The following MTMR8 variants were observed in gnomAD, a reference collection of about 807,000 sequenced individuals.
The protein encoded by MTMR8 is phosphatidylinositol-3,5-bisphosphate 3-phosphatase MTMR8.
Under a neutral mutation model 39.3 loss-of-function variants are expected in MTMR8, and 65 were observed. The observed-to-expected ratio is 1.65, with a 90% CI of 1.35 to 2.03. MTMR8 has a LOEUF of 2.03. Ranked by LOEUF, MTMR8 falls within the 30% of genes most tolerant of loss-of-function variation. The probability of loss-of-function intolerance (pLI) is 0.00; values close to 1 mark genes in which losing one functional copy is unlikely to be tolerated. For missense variants in MTMR8, 777 were observed against 538.9 expected, an observed-to-expected ratio of 1.44 and a Z score of -4.37; for synonymous variants, 245 against 185.2, an observed-to-expected ratio of 1.32 and a Z score of -2.62.
At chrX:64,325,959 C>A (rs972924424) in intron 12 of MTMR8, among the ~76,000 whole-genome samples, 1 of 111,519 alleles carries the variant, frequency 9.0e-6, no homozygotes, top group South Asian at 3.8e-4. Context: ...TCTTACTTAC[C>A]AAAAACTTAA....
At chrX:64,351,396 G>A (rs1185744608) in intron 4 of MTMR8, among the ~76,000 whole-genome samples, 1 of 111,443 alleles carries the variant, frequency 9.0e-6, no homozygotes, top group African/African-American at 3.3e-5. Context: ...AAAGATGAAC[G>A]ATTCAGGAAT....
intron 1 of MTMR8, among the ~76,000 whole-genome samples, chrX:64,373,801 C>T (rs1312372558): frequency 2.7e-5 from 3 of 110,952 alleles, no homozygotes; most frequent in African/African-American, 9.9e-5. Context: ...TCTCTTTGGG[C>T]AGGGACAGAT....
intron 7 of MTMR8, among the ~76,000 whole-genome samples, chrX:64,344,451 T>A (rs1256922790): frequency 4.5e-5 from 5 of 111,035 alleles, no homozygotes; most frequent in Non-Finnish European, 7.6e-5. Flanking sequence ...TCTGCCTGAG[T>A]TGACATAGAA....
intron 12 of MTMR8, among the ~76,000 whole-genome samples, chrX:64,287,676 T>A (rs930854653): frequency 1.8e-5 from 2 of 109,883 alleles, no homozygotes; most frequent in African/African-American, 6.6e-5. Context: ...TCTACAGCTA[T>A]CTGATCTTTG....
chrX:64,373,569 T>C (rs934079687), intron 1 of MTMR8, among the ~76,000 whole-genome samples: 1 of 111,473 alleles, frequency 9.0e-6, no homozygotes. Flanking sequence ...AACTACCCAA[T>C]CTTCAGTTAT....
chrX:64,326,314 A>G (rs1042904831), intron 12 of MTMR8, among the ~76,000 whole-genome samples: 3 of 111,614 alleles, frequency 2.7e-5, no homozygotes, highest in African/African-American at 9.8e-5. Context: ...AAAACCCAAA[A>G]GACTCCACCA....
rs762733167 is a variant in MTMR8 at position 64,276,311 on chromosome X, G to A, written c.1482-5238C>T. On this transcript the variant is annotated intron_variant, in intron 12 of 13. Transcript: ENST00000374852. Reference sequence around the variant, plus strand: ...TCTAGATTCTAGTTCTAGATGTTAGGGTGTTGATCTAGTTCTAGATCTAGA... The same window carrying A: ...TCTAGATTCTAGTTCTAGATGTTAGAGTGTTGATCTAGTTCTAGATCTAGA... 3.6e-5 allele frequency among the ~76,000 whole-genome samples: 4 copies of A among 110,262 alleles called. No homozygotes were observed. In the Admixed American group the frequency reaches 3.9e-4, roughly 11 times the overall value.
At chrX:64,349,834 T>A in intron 5 of MTMR8, 108 bp downstream of exon 5, 1 of 634,111 alleles carries the variant, frequency 1.6e-6, no homozygotes, top group Non-Finnish European at 2.2e-6. Flanking sequence ...TCCAGAGAAG[T>A]TAAGTAACTT....
In MTMR8 at chrX:64,268,118, AC is replaced by A. The variant is rs1931665704; in HGVS notation, c.*418del. ...TCAATTTATTCTGCAATTCACAGTT[AC>A]CTGCTGTATACCATCTCTCCATACC... is the stretch of plus-strand genomic sequence containing the variant. On this transcript the variant is annotated 3_prime_UTR_variant, in exon 14 of 14. Coordinates refer to ENST00000374852, the MANE Select transcript of MTMR8 (RefSeq NM_017677.4). 2.4e-5 allele frequency: 3 copies of A among 127,131 alleles called. No individual in the cohort carries two copies. The highest frequency in any genetic ancestry group is 3.5e-3 in the Middle Eastern group (1 of 287). The allele number at this position is 127,131 out of a possible 1,213,427, so 10.5% of individuals were successfully genotyped here.
intron 10 of MTMR8, among the ~76,000 whole-genome samples, chrX:64,333,121 C>G (rs1217373922): frequency 8.9e-6 from 1 of 112,014 alleles, no homozygotes; most frequent in African/African-American, 3.2e-5. Context: ...GCTTCCACAT[C>G]CTGACTGATT....
chrX:64,269,002 G>T lies in MTMR8; in HGVS notation c.1650C>A (p.Thr550=). The change falls in exon 14 of 14, where the codon ACC becomes ACA. Residue 550 remains threonine (T), a synonymous_variant. Coordinates refer to ENST00000374852, the MANE Select transcript of MTMR8 (RefSeq NM_017677.4). ...VRDEPPEEIC[T]CSQLGNILSQ... ...ATAATATGTTTCCTAATTGAGAGCAGGTACAGATCTCTTCTGGTGGCTCAT... is the reference window on the plus strand; with the variant it reads ...ATAATATGTTTCCTAATTGAGAGCATGTACAGATCTCTTCTGGTGGCTCAT... 8.3e-7 allele frequency: 1 copy of T among 1,211,493 alleles called. No individual in the cohort carries two copies. Among genetic ancestry groups the T allele is most frequent in the Non-Finnish European group, 1.1e-6 (1 of 895,313 alleles).
At chrX:64,304,070 A>G (rs1165657018) in intron 12 of MTMR8, among the ~76,000 whole-genome samples, 1 of 112,477 alleles carries the variant, frequency 8.9e-6, no homozygotes, top group Non-Finnish European at 1.9e-5. Context: ...CATTCATAGC[A>G]TCAAACATTC....
chrX:64,364,089 C>T (rs1209878690), intron 1 of MTMR8, among the ~76,000 whole-genome samples: 1 of 112,451 alleles, frequency 8.9e-6, no homozygotes, highest in Non-Finnish European at 1.9e-5. Context: ...TGCCAGGAAG[C>T]TCGAACTGGG....
chrX:64,285,660 G>T (rs1384451009), intron 12 of MTMR8, among the ~76,000 whole-genome samples: 1 of 111,731 alleles, frequency 9.0e-6, no homozygotes, highest in African/African-American at 3.3e-5. Context: ...TAGAACTCAG[G>T]ATTAAGAAAC....
At chrX:64,320,984 A>G (rs1457929794) in intron 12 of MTMR8, among the ~76,000 whole-genome samples, 4 of 112,223 alleles carry the variant, frequency 3.6e-5, no homozygotes, top group Non-Finnish European at 7.5e-5. Context: ...GAATTCACTG[A>G]CTACATGTGG....
At chrX:64,382,881 A>T (rs1443685282) in intron 1 of MTMR8, among the ~76,000 whole-genome samples, 1 of 111,659 alleles carries the variant, frequency 9.0e-6, no homozygotes, top group African/African-American at 3.3e-5. Flanking sequence ...TCCCACCCCT[A>T]GATATTCTAA....
At chrX:64,365,287 C>T (rs1471601868) in intron 1 of MTMR8, among the ~76,000 whole-genome samples, 1 of 110,385 alleles carries the variant, frequency 9.1e-6, no homozygotes, top group Non-Finnish European at 1.9e-5. Flanking sequence ...TCGAGAAGAA[C>T]ACCACCAAGA....
At chrX:64,279,550 A>T (rs1218437412) in intron 12 of MTMR8, among the ~76,000 whole-genome samples, 3 of 112,377 alleles carry the variant, frequency 2.7e-5, no homozygotes, top group Non-Finnish European at 5.6e-5. Context: ...TACGATGTCA[A>T]TACTACCCAA....
chrX:64,283,513 G>A (rs1921038746), intron 12 of MTMR8, among the ~76,000 whole-genome samples: 2 of 111,980 alleles, frequency 1.8e-5, no homozygotes, highest in Admixed American at 1.9e-4. Flanking sequence ...TCTGAGAATG[G>A]ACAGACTGCC....
Sources: allele counts gnomAD v4.1 joint callset (sites outside exome capture counted in the v4.1 genomes callset), GRCh38; gene constraint gnomAD v4.1.1; transcripts MANE v1.5; gene names NCBI Gene and HGNC (gene_info 2026-07-23, HGNC 2026-07-21).